MAGI2: variants seen among roughly 807,000 people sequenced by gnomAD.
MAGI2 encodes membrane associated guanylate kinase, WW and PDZ domain containing 2.
A neutral mutation model predicts 133.3 loss-of-function variants in MAGI2; 35 were observed. The ratio of observed to expected loss-of-function variants is 0.26; its 90% CI spans 0.20 to 0.35. The LOEUF (loss-of-function observed/expected upper bound fraction) is 0.35, where lower values mean the gene tolerates loss of function less well. Ranked by LOEUF, MAGI2 falls within the 10% of genes least tolerant of loss-of-function variation. The pLI, the probability that MAGI2 is intolerant of heterozygous loss-of-function variation, is 1.00. For missense variants in MAGI2, 1,636 were observed against 1,863.4 expected (o/e 0.88, Z 2.25); for synonymous variants, 729 against 710.6 (o/e 1.03, Z -0.41).
intron 6 of MAGI2, among the ~76,000 whole-genome samples, chr7:78,470,567 A>T (rs1017435816): frequency 1.3e-5 from 2 of 152,118 alleles, no homozygotes; most frequent in African/African-American, 2.4e-5. Flanking sequence ...CTTCTGATGT[A>T]ACATAATTAA....
At chr7:78,843,287 T>G (rs492944) in intron 2 of MAGI2, among the ~76,000 whole-genome samples, 95,018 of 151,550 alleles carry the variant, frequency 0.63, 30,768 homozygotes, top group East Asian at 0.73. Context: ...TCTTAAACAA[T>G]TGGATGTCCC....
chr7:79,277,473 C>G (rs1835319674), intron 1 of MAGI2, among the ~76,000 whole-genome samples: 1 of 152,094 alleles, frequency 6.6e-6, no homozygotes, highest in Non-Finnish European at 1.5e-5. Context: ...CTGGACCCAA[C>G]TCTGTAATAT....
chr7:78,947,917 G>T (rs1740419880), intron 2 of MAGI2, among the ~76,000 whole-genome samples: 1 of 152,084 alleles, frequency 6.6e-6, no homozygotes, highest in African/African-American at 2.4e-5. Context: ...TGTCACCAAT[G>T]ATGATATTCA....
chr7:78,857,443 T>C (rs1793753300), intron 2 of MAGI2, among the ~76,000 whole-genome samples: 1 of 152,198 alleles, frequency 6.6e-6, no homozygotes, highest in African/African-American at 2.4e-5. Flanking sequence ...ACCTAATTTA[T>C]TGAGAGTTTT....
At chr7:78,150,287 G>A (rs1823742754) in intron 16 of MAGI2, among the ~76,000 whole-genome samples, 2 of 152,094 alleles carry the variant, frequency 1.3e-5, no homozygotes. Context: ...ACAGTACTGT[G>A]TTCACTTAAC....
rs374102038 is a variant in MAGI2 at position 78,150,642 on chromosome 7, G to A, written c.2845+9383C>T. ...TGCAGGACATAAGCCCAGAGGAAAC[G>A]GCCACTGATCACCCATTTATGAGCT... On this transcript the variant is annotated intron_variant, in intron 16 of 21. Coordinates refer to ENST00000354212, the MANE Select transcript of MAGI2 (RefSeq NM_012301.4). Among the ~76,000 whole-genome samples, 5 of 152,168 alleles carry A rather than the reference G, an allele frequency of 3.3e-5. No individual in the cohort carries two copies. In the South Asian group the frequency reaches 6.2e-4, roughly 19 times the overall value.
At chr7:78,083,505 G>T (rs1419332092) in intron 20 of MAGI2, among the ~76,000 whole-genome samples, 1 of 151,962 alleles carries the variant, frequency 6.6e-6, no homozygotes, top group Non-Finnish European at 1.5e-5. Flanking sequence ...CATTATGTGG[G>T]TCAAGGAAAT....
rs111940539 is a variant in MAGI2, at chr7:79,187,718, C to T, written c.302-180512G>A. Reference sequence around the variant, plus strand: ...GATTTATGGTTGAAATTATGTCACACCAAATTTATAAAAACAAAAACAATT... The same window carrying T: ...GATTTATGGTTGAAATTATGTCACATCAAATTTATAAAAACAAAAACAATT... On this transcript the variant is annotated intron_variant, in intron 1 of 21. Transcript: ENST00000354212. Among the ~76,000 whole-genome samples, 203 of 151,700 alleles carry T rather than the reference C, an allele frequency of 1.3e-3. 2 individuals are homozygous for T. Among genetic ancestry groups the T allele is most frequent in the African/African-American group, 4.4e-3 (183 of 41,302 alleles).
intron 2 of MAGI2, among the ~76,000 whole-genome samples, chr7:78,999,417 C>T (rs1806639168): frequency 1.3e-5 from 2 of 151,772 alleles, no homozygotes; most frequent in South Asian, 4.2e-4. Context: ...CCATCTTAAG[C>T]AACATTTTGA....
chr7:78,902,724 G>A (rs759079230), intron 2 of MAGI2: 1 of 152,190 alleles, frequency 6.6e-6, no homozygotes, highest in Non-Finnish European at 1.5e-5. Context: ...GATATATCCT[G>A]TAATCAATGA....
At chr7:79,271,513 T>C (rs572720378) in intron 1 of MAGI2, among the ~76,000 whole-genome samples, 120 of 152,166 alleles carry the variant, frequency 7.9e-4, no homozygotes, top group African/African-American at 2.8e-3. Flanking sequence ...TTCAACAACA[T>C]AGTTAGCTTT....
chr7:79,434,940 G>A (rs1848036475), intron 1 of MAGI2, among the ~76,000 whole-genome samples: 1 of 152,166 alleles, frequency 6.6e-6, no homozygotes, highest in African/African-American at 2.4e-5. Context: ...AAAAAAGGGA[G>A]ACTTCCTCCT....
intron 2 of MAGI2, among the ~76,000 whole-genome samples, chr7:78,845,639 G>T (rs528866041): frequency 4.6e-5 from 7 of 152,062 alleles, no homozygotes; most frequent in African/African-American, 1.7e-4. Context: ...AACCACTGTG[G>T]ATAGCTGAAG....
intron 1 of MAGI2, among the ~76,000 whole-genome samples, chr7:79,039,265 G>A (rs988518240): frequency 6.6e-6 from 1 of 152,100 alleles, no homozygotes; most frequent in Non-Finnish European, 1.5e-5. Context: ...CTTCCATCAC[G>A]ATTGTAAGTT....
chr7:78,689,129 G>A (rs929130527), intron 2 of MAGI2, among the ~76,000 whole-genome samples: 3 of 152,030 alleles, frequency 2.0e-5, no homozygotes. Context: ...CATAATTTGT[G>A]GAATTAGAGA....
At chr7:79,099,682 T>C (rs1817805566) in intron 1 of MAGI2, among the ~76,000 whole-genome samples, 1 of 152,120 alleles carries the variant, frequency 6.6e-6, no homozygotes, top group African/African-American at 2.4e-5. Context: ...TTTTTCCATG[T>C]GTACTTAATG....
intron 1 of MAGI2, among the ~76,000 whole-genome samples, chr7:79,251,567 A>G (rs1833274412): frequency 6.6e-6 from 1 of 152,148 alleles, no homozygotes; most frequent in Admixed American, 6.5e-5. Context: ...AGGCTTTTAT[A>G]AAAAAGACAG....
intron 2 of MAGI2, among the ~76,000 whole-genome samples, chr7:78,817,261 G>A (rs1789668000): frequency 6.6e-6 from 1 of 152,188 alleles, no homozygotes; most frequent in African/African-American, 2.4e-5. Flanking sequence ...TTCTTTCAGA[G>A]ATGGAATCTA....
chr7:78,351,110 G>A (rs1791461930), intron 7 of MAGI2, among the ~76,000 whole-genome samples: 1 of 152,142 alleles, frequency 6.6e-6, no homozygotes, highest in African/African-American at 2.4e-5. Flanking sequence ...CAAGACATGA[G>A]GTACATAGTG....
Sources: allele counts gnomAD v4.1 joint callset (sites outside exome capture counted in the v4.1 genomes callset), GRCh38; gene constraint gnomAD v4.1.1; transcripts MANE v1.5; gene names NCBI Gene and HGNC (gene_info 2026-07-23, HGNC 2026-07-21).